KCNJ15: variants seen among roughly 807,000 people sequenced by gnomAD.
The protein encoded by KCNJ15 is potassium inwardly rectifying channel subfamily J member 15.
In KCNJ15, 14 loss-of-function variants were observed where a neutral mutation model predicts 23.0. That is an observed-to-expected ratio of 0.61 (90% confidence interval 0.40 to 0.95). The LOEUF is 0.95. Among genes scored for constraint, KCNJ15 ranks in the 40% least tolerant of loss-of-function variants. The pLI is 0.00. For missense variants in KCNJ15, 388 were observed against 461.8 expected, an observed-to-expected ratio of 0.84 and a Z score of 1.46; for synonymous variants, 185 against 183.2, an observed-to-expected ratio of 1.01 and a Z score of -0.08.
rs1213371620 is a variant in KCNJ15 at position 38,235,007 on chromosome 21, C to T, written c.-398-22039C>T. ...CTCAAACACAGATATGATGTCTCGA[C>T]ACCCACATAAGGTATTTCATGCTAA... On this transcript the variant is annotated intron_variant, in intron 1 of 4. Transcript: ENST00000547341. Among the ~76,000 whole-genome samples, 4 of 152,146 alleles carry T rather than the reference C, an allele frequency of 2.6e-5. No homozygotes were observed. In the East Asian group the frequency reaches 7.7e-4, roughly 29 times the overall value.
At chr21:38,259,451 C>T (rs905438237) in intron 1 of KCNJ15, among the ~76,000 whole-genome samples, 1 of 152,118 alleles carries the variant, frequency 6.6e-6, no homozygotes, top group Non-Finnish European at 1.5e-5. Flanking sequence ...TTATTTTTTT[C>T]CCTGCAGCAA....
At chr21:38,288,477 G>T (rs1569011464) in intron 1 of KCNJ15, among the ~76,000 whole-genome samples, 1 of 152,142 alleles carries the variant, frequency 6.6e-6, no homozygotes, top group Non-Finnish European at 1.5e-5. Context: ...GAGCCCATTA[G>T]TCATCAATTT....
In KCNJ15 at chr21:38,237,066, A is replaced by G. The variant is rs527673991; in HGVS notation, c.-398-19980A>G. On this transcript the variant is annotated intron_variant, in intron 1 of 4. Coordinates refer to the KCNJ15 transcript ENST00000547341. ...TTACAAGAGGGCTGTTTGGTCCACC[A>G]GCAGCAAGAGGAAGGGAAAGGGGCA... Among the ~76,000 whole-genome samples the G allele has an allele frequency of 4.6e-5, 7 of 152,320 alleles. No homozygotes were observed. The South Asian group carries it at 1.2e-3, about 27-fold the overall frequency.
chr21:38,260,283 T>A (rs1000475782), intron 1 of KCNJ15, among the ~76,000 whole-genome samples: 1 of 152,188 alleles, frequency 6.6e-6, no homozygotes, highest in African/African-American at 2.4e-5. Context: ...TGAATTCAGA[T>A]GATAGTAGGG....
At chr21:38,243,673 C>T (rs1480816121) in intron 1 of KCNJ15, among the ~76,000 whole-genome samples, 3 of 152,194 alleles carry the variant, frequency 2.0e-5, no homozygotes, top group African/African-American at 4.8e-5. Context: ...CTGCCCGCCT[C>T]GGCCTTCCAA....
At chr21:38,238,741 C>T (rs1978794059) in intron 1 of KCNJ15, 1 of 377,572 alleles carries the variant, frequency 2.6e-6, no homozygotes, top group African/African-American at 2.1e-5. Flanking sequence ...GTTTTCCCCA[C>T]TGGAAGGAAA....
In KCNJ15 at chr21:38,288,030, G is replaced by GTTTTTTTT. The variant is rs71184612; in HGVS notation, c.-116-8875_-116-8868dup. Among the ~76,000 whole-genome samples the GTTTTTTTT allele has an allele frequency of 1.4e-3, 114 of 81,438 alleles. 6 individuals carry two copies. The highest frequency in any genetic ancestry group is 1.5e-3 in the Non-Finnish European group (70 of 46,772). 53.4% of individuals were successfully genotyped at this position (81,438 alleles called of 152,430 possible). On this transcript the variant is annotated intron_variant, in intron 1 of 2. Transcript: ENST00000398938. ...TGTTAAATAACTTGTTTTTTTCTTT[G>GTTTTTTTT]TTTTTTTTTTTTTTTTTTTTTTTTT...
chr21:38,283,471 G>T lies in KCNJ15; in HGVS notation c.-116-13455G>T, dbSNP rs369457884. 2.0e-5 allele frequency among the ~76,000 whole-genome samples: 3 copies of T among 152,214 alleles called. No homozygotes were observed. In the South Asian group the frequency reaches 6.2e-4, roughly 32 times the overall value. On this transcript the variant is annotated intron_variant, in intron 1 of 2. Transcript: ENST00000398938. Reference sequence around the variant, plus strand: ...AATTGCCTTTTAAAAAACATATTTAGCATTTTTTCATGATTTTTAAACACT... The same window carrying T: ...AATTGCCTTTTAAAAAACATATTTATCATTTTTTCATGATTTTTAAACACT...
At chr21:38,278,818 G>T (rs1983011822) in intron 1 of KCNJ15, among the ~76,000 whole-genome samples, 2 of 152,180 alleles carry the variant, frequency 1.3e-5, no homozygotes, top group Admixed American at 1.3e-4. Context: ...GGAGTGGCTG[G>T]CACTAAGGCA....
intron 1 of KCNJ15, among the ~76,000 whole-genome samples, chr21:38,265,210 C>A (rs952302800): frequency 1.3e-5 from 2 of 152,162 alleles, no homozygotes; most frequent in Non-Finnish European, 2.9e-5. Flanking sequence ...AGAGAATTTT[C>A]TAACATTTAC....
Position 38,299,414 on chromosome 21 carries a change from G to A in KCNJ15, c.153G>A (p.Leu51=), listed in dbSNP as rs776534894. The A allele has an allele frequency of 6.2e-7, 1 of 1,614,146 alleles. No homozygotes were observed. The highest frequency in any genetic ancestry group is 1.1e-5 in the South Asian group (1 of 91,084). Residue 51 remains leucine, a synonymous_variant, in exon 3 of 3, where the codon CTG becomes CTA. Coordinates refer to ENST00000398938, the MANE Select transcript of KCNJ15 (RefSeq NM_170736.3). The surrounding 1 kb of genome is among the most constrained non-coding windows in gnomAD (Gnocchi z 4.5). ...DKVDGIYLLY[L]QDLWTTVIDM... ...TGGATGGCATATACCTACTCTACCT[G>A]CAAGACCTGTGGACCACAGTTATCG...
At chr21:38,255,417 G>T (rs1980134655), upstream of KCNJ15, among the ~76,000 whole-genome samples, 1 of 152,172 alleles carries the variant, frequency 6.6e-6, no homozygotes, top group Non-Finnish European at 1.5e-5. Flanking sequence ...AGGTCTATCT[G>T]ATTCTAGACT....
intron 1 of KCNJ15, among the ~76,000 whole-genome samples, chr21:38,243,786 G>C (rs1979173902): frequency 6.6e-6 from 1 of 152,198 alleles, no homozygotes; most frequent in South Asian, 2.1e-4. Context: ...TAAACAATTT[G>C]TGAACAAATG....
chr21:38,300,262 G>A lies in KCNJ15; in HGVS notation c.1001G>A (p.Arg334Gln), dbSNP rs776818219. The change falls in exon 3 of 3, where the codon CGG becomes CAG. Residue 334 changes from arginine to glutamine, a missense_variant. Physicochemically the swap from Arg to Gln is conservative, Grantham distance 43. Transcript: ENST00000398938. ...GATTTCAGTCAGTTTGAACAGATTC[G>A]GAAAAGCCCAGATTGCACATTTTAC... is the stretch of plus-strand genomic sequence containing the variant. ...VADFSQFEQI[R>Q]KSPDCTFYCA... The A allele has an allele frequency of 3.1e-5, 50 of 1,614,026 alleles. No individual in the cohort carries two copies. The highest frequency in any genetic ancestry group is 5.0e-5 in the Admixed American group (3 of 59,994).
chr21:38,271,453 G>T (rs1982086687), intron 1 of KCNJ15, among the ~76,000 whole-genome samples: 1 of 152,196 alleles, frequency 6.6e-6, no homozygotes. Flanking sequence ...AATTAAACTG[G>T]TTTATCGTTT....
At chr21:38,250,030 G>A (rs539683075) in intron 1 of KCNJ15, among the ~76,000 whole-genome samples, 21 of 152,320 alleles carry the variant, frequency 1.4e-4, no homozygotes, top group African/African-American at 4.6e-4. Context: ...GTCCTTCAGT[G>A]TGAAGTCCCT....
At position 38,288,030 on chromosome 21, in the gene KCNJ15, GTTTTTTTTTTTTTTTTT is replaced by G. The variant is rs71184612; in HGVS notation, c.-116-8884_-116-8868del. Among the ~76,000 whole-genome samples, 28 of 81,430 alleles carry G rather than the reference GTTTTTTTTTTTTTTTTT, an allele frequency of 3.4e-4. 2 individuals are homozygous for G. The Admixed American group carries it at 5.8e-3, about 17-fold the overall frequency. The allele number at this position is 81,430 out of a possible 152,430, so 53.4% of individuals were successfully genotyped here. A position where few individuals can be genotyped will look rare whatever the true frequency, so the allele number is the denominator to read the frequency against. ...TGTTAAATAACTTGTTTTTTTCTTT[GTTTTTTTTTTTTTTTTT>G]TTTTTTTTTTTGAGATGGAGTCTCA... On this transcript the variant is annotated intron_variant, in intron 1 of 2. Transcript: ENST00000398938.
At chr21:38,275,299 C>G (rs765977365) in intron 1 of KCNJ15, among the ~76,000 whole-genome samples, 1 of 152,052 alleles carries the variant, frequency 6.6e-6, no homozygotes, top group Non-Finnish European at 1.5e-5. Context: ...AAAGATCAAA[C>G]TTTTCAGTTT....
chr21:38,280,326 G>T lies in KCNJ15; in HGVS notation c.-116-16600G>T, dbSNP rs1028360163. On this transcript the variant is annotated intron_variant, in intron 1 of 2. Coordinates refer to ENST00000398938, the MANE Select transcript of KCNJ15 (RefSeq NM_170736.3). ...TCAAATGGGACCAAAGTAGTCTTTT[G>T]GAAGTCATAATAGGGCACACATACA... 2.0e-5 allele frequency among the ~76,000 whole-genome samples: 3 copies of T among 152,112 alleles called. 1 individual carries two copies. The highest frequency in any genetic ancestry group is 7.2e-5 in the African/African-American group (3 of 41,386).
Sources: gnomAD v4.1 joint callset for allele counts (sites outside exome capture counted in the v4.1 genomes callset) on GRCh38, gnomAD v4.1.1 for gene constraint, Gnocchi (gnomAD v3.1) non-coding constraint, MANE v1.5 for transcripts, NCBI Gene and HGNC (gene_info 2026-07-23, HGNC 2026-07-21) for gene names.